The following FAF1 variants were observed in gnomAD, a reference collection of about 807,000 sequenced individuals.
FAF1 encodes the protein FAS-associated factor 1.
Under a neutral mutation model 92.5 loss-of-function variants are expected in FAF1, and 25 were observed. The observed-to-expected ratio is 0.27, with a 90% CI of 0.20 to 0.38. FAF1 has a LOEUF of 0.38. Ranked by LOEUF, FAF1 falls within the 10% of genes least tolerant of loss-of-function variation. FAF1 has a pLI of 1.00. For synonymous variants in FAF1, 234 were observed against 273.2 expected, an observed-to-expected ratio of 0.86 and a Z score of 1.42; for missense variants, 636 against 793.3, an observed-to-expected ratio of 0.80 and a Z score of 2.38.
At chr1:50,872,987 ATTG>A (rs1227416841) in intron 1 of FAF1, among the ~76,000 whole-genome samples, 1 of 152,156 alleles carries the variant, frequency 6.6e-6, no homozygotes, top group East Asian at 1.9e-4. Context: ...AGCAAATGTA[ATTG>A]TTGTCTTATT....
intron 15 of FAF1, among the ~76,000 whole-genome samples, chr1:50,526,953 C>G (rs1647844677): frequency 6.6e-6 from 1 of 151,600 alleles, no homozygotes; most frequent in Admixed American, 6.6e-5. Flanking sequence ...CTCTCAGGTT[C>G]AAGTGATTCT....
intron 15 of FAF1, among the ~76,000 whole-genome samples, 181 bp downstream of exon 15, chr1:50,535,188 G>GGGTC (rs1648408691): frequency 6.6e-6 from 1 of 151,984 alleles, no homozygotes; most frequent in African/African-American, 2.4e-5. Flanking sequence ...TTGGGTCTTG[G>GGGTC]GGTCATAAAA....
intron 1 of FAF1, among the ~76,000 whole-genome samples, chr1:50,928,964 G>A (rs1385121059): frequency 2.7e-5 from 4 of 150,848 alleles, no homozygotes; most frequent in Non-Finnish European, 5.9e-5. Flanking sequence ...GTGCATCTGT[G>A]GTGCCAGCTG....
intron 13 of FAF1, among the ~76,000 whole-genome samples, chr1:50,547,224 G>T (rs1452207303): frequency 6.6e-6 from 1 of 151,814 alleles, no homozygotes; most frequent in Admixed American, 6.6e-5. Context: ...ACAATATAAT[G>T]CCTCACGATG....
At chr1:50,771,522 T>C (rs10888708) in intron 4 of FAF1, among the ~76,000 whole-genome samples, 68,349 of 152,072 alleles carry the variant, frequency 0.45, 16,404 homozygotes, top group African/African-American at 0.59. Context: ...ACAAAATGCT[T>C]AGTATCACTA....
At chr1:50,683,690 TGG>T (rs919728220) in intron 7 of FAF1, among the ~76,000 whole-genome samples, 3 of 152,100 alleles carry the variant, frequency 2.0e-5, no homozygotes, top group African/African-American at 7.2e-5. Context: ...CCCAGAGCTT[TGG>T]GAGGCCAAGG....
intron 1 of FAF1, among the ~76,000 whole-genome samples, chr1:50,950,119 TG>T (rs1384643459): frequency 6.6e-6 from 1 of 152,108 alleles, no homozygotes; most frequent in Non-Finnish European, 1.5e-5. Context: ...GGAATACAGG[TG>T]GGAGCCACCA....
intron 1 of FAF1, among the ~76,000 whole-genome samples, chr1:50,925,957 C>T (rs191042230): frequency 1.3e-5 from 2 of 152,238 alleles, no homozygotes; most frequent in South Asian, 2.1e-4. Flanking sequence ...GCCTCATGCA[C>T]GTAATCCCAG....
rs557223304 is a variant in FAF1 at position 50,584,620 on chromosome 1, T to C, written c.967+65A>G. Reference sequence around the variant, plus strand: ...TAAGAGATGTTTAAGTTTAATGTTCTTCATAAGTTTGTGTACTAGAAGAAA... The same window carrying C: ...TAAGAGATGTTTAAGTTTAATGTTCCTCATAAGTTTGTGTACTAGAAGAAA... On this transcript the variant is annotated intron_variant, in intron 10 of 18. Coordinates refer to ENST00000396153, the MANE Select transcript of FAF1 (RefSeq NM_007051.3). 4.6e-6 allele frequency: 7 copies of C among 1,515,320 alleles called. No individual in the cohort carries two copies. The East Asian group carries it at 1.1e-4, about 25-fold the overall frequency. 93.9% of individuals were successfully genotyped at this position (1,515,320 alleles called of 1,614,324 possible). A position where few individuals can be genotyped will look rare whatever the true frequency, so the allele number is the denominator to read the frequency against.
intron 15 of FAF1, among the ~76,000 whole-genome samples, chr1:50,496,425 TAAAG>T (rs1646899377): frequency 6.6e-6 from 1 of 151,882 alleles, no homozygotes; most frequent in Admixed American, 6.6e-5. Flanking sequence ...AAGAAAGAAA[TAAAG>T]AAAGAGAAGT....
At chr1:50,946,869 A>G (rs1467471549) in intron 1 of FAF1, among the ~76,000 whole-genome samples, 2 of 152,252 alleles carry the variant, frequency 1.3e-5, no homozygotes, top group African/African-American at 4.8e-5. Flanking sequence ...TTTAGAGTGG[A>G]AAGTATGCCT....
At chr1:50,821,925 C>T (rs1209794842) in intron 2 of FAF1, among the ~76,000 whole-genome samples, 2 of 151,896 alleles carry the variant, frequency 1.3e-5, no homozygotes, top group East Asian at 3.9e-4. Flanking sequence ...GTTAAATGGC[C>T]TACGGTCACC....
At chr1:50,855,978 C>T (rs1172629423) in intron 2 of FAF1, among the ~76,000 whole-genome samples, 3 of 151,774 alleles carry the variant, frequency 2.0e-5, no homozygotes, top group African/African-American at 7.2e-5. Context: ...GAGTACCTTA[C>T]CATTCAATTA....
At chr1:50,808,194 T>A (rs2124601660) in intron 2 of FAF1, among the ~76,000 whole-genome samples, 2 of 152,264 alleles carry the variant, frequency 1.3e-5, no homozygotes, top group South Asian at 4.2e-4. Context: ...TAAGATCCTT[T>A]TCAGACAAGC....
chr1:50,668,573 TTG>T (rs1655735160), intron 7 of FAF1, among the ~76,000 whole-genome samples: 1 of 152,090 alleles, frequency 6.6e-6, no homozygotes, highest in Non-Finnish European at 1.5e-5. Context: ...TACAGTAGAG[TTG>T]GAAACTGGCT....
chr1:50,950,071 C>T (rs762015895), intron 1 of FAF1, among the ~76,000 whole-genome samples: 20 of 152,078 alleles, frequency 1.3e-4, no homozygotes, highest in Non-Finnish European at 1.9e-4. Context: ...AAACTCCTGG[C>T]CTCAAGTGAT....
intron 7 of FAF1, among the ~76,000 whole-genome samples, chr1:50,668,463 G>A (rs1468308148): frequency 6.6e-6 from 1 of 152,204 alleles, no homozygotes; most frequent in Non-Finnish European, 1.5e-5. Flanking sequence ...GTAGGCAGGA[G>A]GGCAGAAAGC....
At chr1:50,536,403 C>T (rs1488797355) in intron 14 of FAF1, among the ~76,000 whole-genome samples, 1 of 152,164 alleles carries the variant, frequency 6.6e-6, no homozygotes, top group Non-Finnish European at 1.5e-5. Context: ...TTCTCCAAGG[C>T]TTGAGAAGGG....
intron 1 of FAF1, among the ~76,000 whole-genome samples, chr1:50,952,765 G>C (rs6678244): frequency 3.3e-5 from 5 of 150,410 alleles, no homozygotes; most frequent in Admixed American, 6.6e-5. Context: ...CCGCCACCCC[G>C]TCTGGGAGGT....
Sources: allele counts gnomAD v4.1 joint callset (sites outside exome capture counted in the v4.1 genomes callset), GRCh38; gene constraint gnomAD v4.1.1; transcripts MANE v1.5; gene names NCBI Gene and HGNC (gene_info 2026-07-23, HGNC 2026-07-21).